The following GAS7 variants were observed in gnomAD, a reference collection of about 807,000 sequenced individuals.
The protein encoded by GAS7 is growth arrest specific 7.
In GAS7, 28 loss-of-function variants were observed where a neutral mutation model predicts 71.1. That is an observed-to-expected ratio of 0.39 (90% CI 0.29 to 0.54). GAS7 has a LOEUF of 0.54. Ranked by LOEUF, GAS7 falls within the 20% of genes least tolerant of loss-of-function variation. The pLI, the probability that GAS7 is intolerant of heterozygous loss-of-function variation, is 0.62. For synonymous variants in GAS7, 258 were observed against 245.8 expected (o/e 1.05, Z -0.46); for missense variants, 436 against 627.8 (o/e 0.69, Z 3.27).
chr17:10,084,011 G>A (rs2073486891), intron 1 of GAS7, among the ~76,000 whole-genome samples: 1 of 152,054 alleles, frequency 6.6e-6, no homozygotes, highest in South Asian at 2.1e-4. Flanking sequence ...GGTTTCACAG[G>A]GACCTGCCCC....
intron 1 of GAS7, among the ~76,000 whole-genome samples, chr17:10,063,309 T>TGC (rs2073240871): frequency 6.6e-6 from 1 of 152,228 alleles, no homozygotes; most frequent in African/African-American, 2.4e-5. Context: ...TGTGTGTGTG[T>TGC]GCGTGCGCAT....
chr17:9,954,744 C>T (rs966671969), intron 5 of GAS7, among the ~76,000 whole-genome samples: 8 of 152,184 alleles, frequency 5.3e-5, no homozygotes, highest in Non-Finnish European at 7.4e-5. Context: ...CTACAATGCA[C>T]GGGACAGCTC....
At chr17:9,920,795 T>C (rs2067777183) in intron 11 of GAS7, among the ~76,000 whole-genome samples, 1 of 152,200 alleles carries the variant, frequency 6.6e-6, no homozygotes, top group African/African-American at 2.4e-5. Flanking sequence ...AGCTCATGAG[T>C]GAACCCCAAA....
rs147392339 is a variant in GAS7, at chr17:9,952,995, G to A, written c.526-6012C>T. On this transcript the variant is annotated intron_variant, in intron 5 of 13. Coordinates refer to ENST00000432992, the MANE Select transcript of GAS7 (RefSeq NM_201433.2). ...TTCGACCCAGCAATCCCATTACTGG[G>A]TATATACCCAAAGGAATATAAATCT... Among the ~76,000 whole-genome samples the A allele has an allele frequency of 1.9e-4, 29 of 152,138 alleles. No homozygotes were observed. The East Asian group carries it at 4.3e-3, about 22-fold the overall frequency.
chr17:10,036,586 C>A, intron 1 of GAS7: 1 of 1,507,818 alleles, frequency 6.6e-7, no homozygotes, highest in South Asian at 1.3e-5. Flanking sequence ...GTCGCTAGCC[C>A]AGGGCCAGTG....
chr17:10,072,539 T>C (rs1278579482), intron 1 of GAS7, among the ~76,000 whole-genome samples: 1 of 152,124 alleles, frequency 6.6e-6, no homozygotes, highest in Non-Finnish European at 1.5e-5. Context: ...CCATGAGCAT[T>C]CAAGTTCCAG....
At chr17:10,171,561 C>T (rs746788224) in intron 1 of GAS7, among the ~76,000 whole-genome samples, 4 of 152,166 alleles carry the variant, frequency 2.6e-5, no homozygotes, top group Non-Finnish European at 5.9e-5. Context: ...AATTCTAAGA[C>T]GCTAGGGGGA....
intron 1 of GAS7, among the ~76,000 whole-genome samples, chr17:10,175,501 G>A (rs192632305): frequency 2.7e-3 from 404 of 152,200 alleles, no homozygotes; most frequent in Middle Eastern, 0.02. Flanking sequence ...GTCTTCACAC[G>A]GTTTTCCCTC....
chr17:9,935,207 G>C (rs371653795), intron 8 of GAS7, among the ~76,000 whole-genome samples: 1 of 152,196 alleles, frequency 6.6e-6, no homozygotes, highest in African/African-American at 2.4e-5. Context: ...TAGGAAGCAC[G>C]GTCTCCTCTA....
At chr17:10,041,283 T>C (rs879507713) in intron 1 of GAS7, among the ~76,000 whole-genome samples, 1 of 152,198 alleles carries the variant, frequency 6.6e-6, no homozygotes, top group Admixed American at 6.5e-5. Context: ...TTTCATAGCC[T>C]GTGACTCCTC....
intron 1 of GAS7, among the ~76,000 whole-genome samples, chr17:10,047,209 C>A (rs1343704897): frequency 6.6e-6 from 1 of 152,158 alleles, no homozygotes; most frequent in East Asian, 1.9e-4. Flanking sequence ...ATGCTACAGG[C>A]CAAGCCCAGC....
At chr17:9,918,640 C>G (rs2067679166) in intron 12 of GAS7, among the ~76,000 whole-genome samples, 1 of 152,342 alleles carries the variant, frequency 6.6e-6, no homozygotes. Context: ...AGCAGCCTCC[C>G]TTCCTCTGCC....
At chr17:10,132,240 A>G (rs970628974) in intron 1 of GAS7, among the ~76,000 whole-genome samples, 1 of 152,204 alleles carries the variant, frequency 6.6e-6, no homozygotes, top group African/African-American at 2.4e-5. Flanking sequence ...TCTGGTGCCC[A>G]TAACTAAATA....
chr17:10,049,675 C>T (rs1178492666), intron 1 of GAS7, among the ~76,000 whole-genome samples: 1 of 116,566 alleles, frequency 8.6e-6, no homozygotes, highest in East Asian at 2.9e-4. Flanking sequence ...GGCTGGAGTG[C>T]AGTGGCGCGA....
At chr17:10,023,505 TA>T (rs567722442) in intron 1 of GAS7, among the ~76,000 whole-genome samples, 1,960 of 146,228 alleles carry the variant, frequency 0.013, 33 homozygotes, top group African/African-American at 0.044. Context: ...ATTCAGAAAT[TA>T]AAAAAAAAAA....
At chr17:9,962,110 T>C (rs9890302) in intron 4 of GAS7, among the ~76,000 whole-genome samples, 18,400 of 152,162 alleles carry the variant, frequency 0.12, 3,062 homozygotes, top group African/African-American at 0.37. Context: ...CTGGTCTCTG[T>C]TCTATTAGCA....
intron 2 of GAS7, among the ~76,000 whole-genome samples, chr17:10,000,623 T>C (rs952244747): frequency 3.9e-5 from 6 of 152,244 alleles, no homozygotes; most frequent in African/African-American, 1.4e-4. Context: ...TGAAAGTTCC[T>C]TGAGATTTTC....
intron 1 of GAS7, among the ~76,000 whole-genome samples, chr17:10,098,879 C>T (rs900008290): frequency 6.6e-5 from 10 of 152,168 alleles, no homozygotes; most frequent in Admixed American, 2.6e-4. Flanking sequence ...TGGCGTGAAC[C>T]CGGTAGGCGG....
At chr17:9,931,908 C>T (rs2068221206) in intron 9 of GAS7, among the ~76,000 whole-genome samples, 1 of 152,074 alleles carries the variant, frequency 6.6e-6, no homozygotes, top group African/African-American at 2.4e-5. Context: ...CCGAGTACCA[C>T]CACGGGGTAC....
Sources: gnomAD v4.1 joint callset for allele counts (sites outside exome capture counted in the v4.1 genomes callset) on GRCh38, gnomAD v4.1.1 for gene constraint, MANE v1.5 for transcripts, NCBI Gene and HGNC (gene_info 2026-07-23, HGNC 2026-07-21) for gene names.